POLR1C: variants seen among roughly 807,000 people sequenced by gnomAD.
POLR1C encodes the protein RNA polymerase I and III subunit C.
POLR1C carries 42 observed loss-of-function variants against 38.3 expected under a neutral mutation model. The ratio of observed to expected loss-of-function variants is 1.10; its 90% CI spans 0.86 to 1.42. POLR1C has a LOEUF of 1.42. Among genes scored for constraint, POLR1C ranks in the 40% most tolerant of loss-of-function variants. The pLI, the probability that POLR1C is intolerant of heterozygous loss-of-function variation, is 0.00. For synonymous variants in POLR1C, 163 were observed against 163.9 expected, an observed-to-expected ratio of 0.99 and a Z score of 0.04; for missense variants, 507 against 450.5, an observed-to-expected ratio of 1.13 and a Z score of -1.14.
downstream of POLR1C, chr6:43,530,618 T>G (rs1437924116): frequency 6.5e-7 from 1 of 1,547,416 alleles, no homozygotes; most frequent in Admixed American, 1.8e-5. Flanking sequence ...CTCTGGTTGC[T>G]GTGACCTGTT....
Position 43,519,689 on chromosome 6 carries a change from TA to T in POLR1C, c.250-16del. 6.2e-7 allele frequency: 1 copy of T among 1,614,180 alleles called. No individual in the cohort carries two copies. Among genetic ancestry groups the T allele is most frequent in the Non-Finnish European group, 8.5e-7 (1 of 1,180,028 alleles). ...TGTTGGGTTTTTGCAGATAAGTGGT[TA>T]TTTTTCCTTGGGCAGGTGCCAACTA... On this transcript the variant is annotated splice_polypyrimidine_tract_variant and intron_variant, in intron 3 of 8. Transcript: ENST00000642195.
chr6:43,524,646 C>T, downstream of POLR1C: 1 of 1,611,776 alleles, frequency 6.2e-7, no homozygotes, highest in Non-Finnish European at 8.5e-7. Context: ...CTGATATCAG[C>T]AGGGATAAAC....
chr6:43,547,471 G>A, intron 9 of POLR1C: 1 of 761,108 alleles, frequency 1.3e-6, no homozygotes, highest in Non-Finnish European at 2.3e-6. Context: ...AGAAAAGAAA[G>A]GAGAAGCTTA....
intron 3 of POLR1C, 83 bp from the exon 4 acceptor site, chr6:43,519,623 C>A: frequency 6.3e-7 from 1 of 1,582,928 alleles, no homozygotes; most frequent in Non-Finnish European, 8.7e-7. Flanking sequence ...AGATAGCTCC[C>A]TACCTCTGGA....
chr6:43,528,265 T>C lies in POLR1C; in HGVS notation c.923-984T>C, dbSNP rs376115629. 3.3e-6 allele frequency: 5 copies of C among 1,509,888 alleles called. No homozygotes were observed. The African/African-American group carries it at 5.6e-5, about 17-fold the overall frequency. The allele number at this position is 1,509,888 out of a possible 1,614,324, so 93.5% of individuals were successfully genotyped here. Reference sequence around the variant, plus strand: ...GGGGAAAGGATTGGAACACATAATATCTAAAGTCAAGTCCACTTCATGATT... The same window carrying C: ...GGGGAAAGGATTGGAACACATAATACCTAAAGTCAAGTCCACTTCATGATT... On this transcript the variant is annotated intron_variant, in intron 8 of 8. Coordinates refer to the POLR1C transcript ENST00000304004.
chr6:43,539,326 C>T (rs985420708), intron 9 of POLR1C: 20 of 1,572,074 alleles, frequency 1.3e-5, no homozygotes, highest in African/African-American at 8.1e-5. Flanking sequence ...TAGCAACAAA[C>T]GCCTTGAACC....
At chr6:43,526,604 G>T in intron 8 of POLR1C, 1 of 1,522,690 alleles carries the variant, frequency 6.6e-7, no homozygotes, top group Non-Finnish European at 9.0e-7. Context: ...TCACCAGACT[G>T]CAAGGAAACT....
At chr6:43,526,056 C>T, downstream of POLR1C, 1 of 842,162 alleles carries the variant, frequency 1.2e-6, no homozygotes, top group Non-Finnish European at 1.9e-6. Flanking sequence ...ACTAGGAGCC[C>T]TCCCACCTCC....
At chr6:43,556,654 A>T (rs1367088812) in intron 10 of POLR1C, among the ~76,000 whole-genome samples, 1 of 152,212 alleles carries the variant, frequency 6.6e-6, no homozygotes, top group Non-Finnish European at 1.5e-5. Context: ...TTATCCAGCA[A>T]TTCTACTCCT....
At chr6:43,547,602 T>A in intron 9 of POLR1C, 1 of 1,613,828 alleles carries the variant, frequency 6.2e-7, no homozygotes, top group Non-Finnish European at 8.5e-7. Flanking sequence ...CCCAGGAAAG[T>A]CTTACTCGTG....
At chr6:43,540,132 G>A (rs1180538345) in intron 9 of POLR1C, among the ~76,000 whole-genome samples, 1 of 152,084 alleles carries the variant, frequency 6.6e-6, no homozygotes, top group Non-Finnish European at 1.5e-5. Context: ...GCGCACGCCT[G>A]TAACCCCAGT....
At chr6:43,526,564 G>T in intron 8 of POLR1C, 1 of 1,120,660 alleles carries the variant, frequency 8.9e-7, no homozygotes, top group Non-Finnish European at 1.3e-6. Context: ...CTGGTCCAGA[G>T]ATGATAACTA....
downstream of POLR1C, chr6:43,530,906 T>G: frequency 6.7e-7 from 1 of 1,483,926 alleles, no homozygotes; most frequent in Non-Finnish European, 9.0e-7. Context: ...ATTTCATTTC[T>G]AGCCTACAAT....
downstream of POLR1C, chr6:43,525,996 A>G (rs751903723): frequency 1.4e-5 from 21 of 1,549,390 alleles, no homozygotes; most frequent in South Asian, 2.3e-4. Flanking sequence ...ACAGAAGCGC[A>G]AAAAACAAAG....
intron 2 of POLR1C, among the ~76,000 whole-genome samples, chr6:43,518,770 G>A (rs1792981931): frequency 6.6e-6 from 1 of 152,144 alleles, no homozygotes; most frequent in Non-Finnish European, 1.5e-5. Context: ...TGCAACCTCC[G>A]CCTCCCGGGT....
At chr6:43,539,747 G>C (rs1794584916) in intron 9 of POLR1C, 1 of 605,510 alleles carries the variant, frequency 1.7e-6, no homozygotes. Flanking sequence ...CTATTCTTGG[G>C]AATAGTTTGT....
Position 43,520,188 on chromosome 6 carries a change from G to A in POLR1C, c.502+3G>A. 1 of 1,614,236 alleles carries A rather than the reference G, an allele frequency of 6.2e-7. No homozygotes were observed. The highest frequency in any genetic ancestry group is 8.5e-7 in the Non-Finnish European group (1 of 1,180,052). The stretch of plus-strand genomic sequence containing the variant: ...CGAACTGTACGTGAACCACAAAGGT[G>A]AGTAGTGGTAGGGTGAGGAAGAGGC... On this transcript the variant is annotated splice_donor_region_variant and intron_variant, in intron 5 of 8. Coordinates refer to ENST00000642195, the MANE Select transcript of POLR1C (RefSeq NM_203290.4).
intron 10 of POLR1C, among the ~76,000 whole-genome samples, chr6:43,553,979 C>T (rs1005472715): frequency 4.6e-5 from 7 of 152,186 alleles, no homozygotes; most frequent in African/African-American, 1.7e-4. Flanking sequence ...TACTGCTTCA[C>T]ATCCAATAGC....
At chr6:43,550,127 C>T (rs761411954) in intron 9 of POLR1C, among the ~76,000 whole-genome samples, 11 of 152,154 alleles carry the variant, frequency 7.2e-5, no homozygotes, top group Admixed American at 2.6e-4. Flanking sequence ...CAAGAGTCAT[C>T]GGAGTCACAA....
Sources: gnomAD v4.1 joint callset for allele counts (sites outside exome capture counted in the v4.1 genomes callset) on GRCh38, gnomAD v4.1.1 for gene constraint, MANE v1.5 for transcripts, NCBI Gene and HGNC (gene_info 2026-07-23, HGNC 2026-07-21) for gene names.